CTNNA3: variants seen among roughly 807,000 people sequenced by gnomAD.
CTNNA3 encodes catenin alpha-3.
CTNNA3 carries 76 observed loss-of-function variants against 95.7 expected under a neutral mutation model. The observed-to-expected ratio is 0.79, with a 90% CI of 0.66 to 0.96. CTNNA3 has a LOEUF of 0.96. CTNNA3 is among the 40% of genes least tolerant of loss of function. The pLI is 0.00. For synonymous variants in CTNNA3, 431 were observed against 374.4 expected, an observed-to-expected ratio of 1.15 and a Z score of -1.74; for missense variants, 1,191 against 1,089.8, an observed-to-expected ratio of 1.09 and a Z score of -1.31.
chr10:67,532,368 C>A (rs1589396366), intron 4 of CTNNA3, among the ~76,000 whole-genome samples: 1 of 152,284 alleles, frequency 6.6e-6, no homozygotes, highest in South Asian at 2.1e-4. Flanking sequence ...AGAGTCTCAG[C>A]TGCCAACATG....
intron 7 of CTNNA3, among the ~76,000 whole-genome samples, chr10:66,947,776 A>G (rs1422647036): frequency 1.3e-5 from 2 of 152,274 alleles, no homozygotes; most frequent in South Asian, 4.1e-4. Flanking sequence ...TAAAGAAAAA[A>G]TTTTAATCAC....
intron 3 of CTNNA3, among the ~76,000 whole-genome samples, chr10:67,556,848 G>A (rs1362249568): frequency 6.6e-6 from 1 of 152,040 alleles, no homozygotes; most frequent in Non-Finnish European, 1.5e-5. Context: ...TGTGATGTTA[G>A]GGTGTCAATT....
rs557944324 is a variant in CTNNA3 at position 67,579,750 on chromosome 10, C to G, written c.292+27107G>C. Among the ~76,000 whole-genome samples the G allele has an allele frequency of 8.5e-5, 13 of 152,278 alleles. No homozygotes were observed. In the East Asian group the frequency reaches 1.9e-3, roughly 23 times the overall value. ...GACTTTTTAATGATCACCATTCTAA[C>G]TGGTGTGAGATGGTATCTCATTGTG... On this transcript the variant is annotated intron_variant, in intron 3 of 17. Transcript: ENST00000433211.
At chr10:67,480,611 G>C (rs547300924) in intron 5 of CTNNA3, among the ~76,000 whole-genome samples, 1 of 152,342 alleles carries the variant, frequency 6.6e-6, no homozygotes, top group Admixed American at 6.5e-5. Flanking sequence ...TGTTCCTGCT[G>C]CAGATAACAA....
intron 10 of CTNNA3, among the ~76,000 whole-genome samples, chr10:66,590,551 G>A (rs1843514262): frequency 6.6e-6 from 1 of 151,956 alleles, no homozygotes; most frequent in African/African-American, 2.4e-5. Context: ...AGTGAATTAG[G>A]AAAATATACA....
At chr10:66,121,299 G>A (rs548250802) in intron 13 of CTNNA3, among the ~76,000 whole-genome samples, 1 of 152,270 alleles carries the variant, frequency 6.6e-6, no homozygotes, top group East Asian at 1.9e-4. Context: ...ATCACTAAAT[G>A]TTATTGCTTA....
At chr10:66,228,168 GT>G (rs1377664879) in intron 13 of CTNNA3, among the ~76,000 whole-genome samples, 1 of 151,644 alleles carries the variant, frequency 6.6e-6, no homozygotes, top group Non-Finnish European at 1.5e-5. Flanking sequence ...TGCCTGTTTT[GT>G]TTATTTTTGC....
intron 14 of CTNNA3, among the ~76,000 whole-genome samples, chr10:66,095,868 G>C (rs930299169): frequency 5.3e-5 from 8 of 152,030 alleles, no homozygotes; most frequent in African/African-American, 1.9e-4. Context: ...AATGGCCCCA[G>C]AGATTTTCTC....
intron 7 of CTNNA3, among the ~76,000 whole-genome samples, chr10:66,789,957 G>T (rs749269679): frequency 6.6e-6 from 1 of 152,132 alleles, no homozygotes; most frequent in Non-Finnish European, 1.5e-5. Context: ...CAGTACTCTC[G>T]CTGAGCAATT....
chr10:67,274,372 GAC>G (rs1839100708), intron 5 of CTNNA3, among the ~76,000 whole-genome samples: 2 of 152,114 alleles, frequency 1.3e-5, no homozygotes, highest in African/African-American at 4.8e-5. Flanking sequence ...ATTGGATAAA[GAC>G]AATAGGAATA....
intron 10 of CTNNA3, among the ~76,000 whole-genome samples, chr10:66,604,439 C>A (rs1385859757): frequency 6.6e-6 from 1 of 152,078 alleles, no homozygotes; most frequent in South Asian, 2.1e-4. Flanking sequence ...CTGCTGCAGC[C>A]GATGAGCGTG....
intron 12 of CTNNA3, among the ~76,000 whole-genome samples, chr10:66,375,488 C>T (rs2092789724): frequency 6.6e-6 from 1 of 151,854 alleles, no homozygotes; most frequent in Admixed American, 6.6e-5. Flanking sequence ...ATGTAGACTA[C>T]TAATTTTCAA....
At chr10:67,639,493 C>G (rs1167971540) in intron 2 of CTNNA3, among the ~76,000 whole-genome samples, 1 of 152,144 alleles carries the variant, frequency 6.6e-6, no homozygotes, top group Non-Finnish European at 1.5e-5. Flanking sequence ...GGAATCCTCC[C>G]TAACTCATTT....
At chr10:67,388,924 A>T (rs1199312146) in intron 5 of CTNNA3, among the ~76,000 whole-genome samples, 4 of 152,216 alleles carry the variant, frequency 2.6e-5, no homozygotes, top group Non-Finnish European at 4.4e-5. Context: ...TAAACATGGA[A>T]AGGAACAACC....
At chr10:67,228,962 A>C (rs1487843532) in intron 5 of CTNNA3, among the ~76,000 whole-genome samples, 1 of 152,190 alleles carries the variant, frequency 6.6e-6, no homozygotes, top group Non-Finnish European at 1.5e-5. Flanking sequence ...TCCCTAATTC[A>C]CTCTATGAAG....
intron 8 of CTNNA3, 93 bp downstream of exon 8, chr10:66,775,350 GA>G: frequency 2.5e-6 from 2 of 807,616 alleles, no homozygotes; most frequent in Non-Finnish European, 4.0e-6. Context: ...AAATTAATTT[GA>G]AAGGAACAAA....
At chr10:66,861,295 C>T (rs1843912492) in intron 7 of CTNNA3, among the ~76,000 whole-genome samples, 1 of 152,186 alleles carries the variant, frequency 6.6e-6, no homozygotes, top group African/African-American at 2.4e-5. Flanking sequence ...CCCACTGGGG[C>T]CACTGTCTGT....
At chr10:67,683,914 G>A (rs902698140) in intron 1 of CTNNA3, among the ~76,000 whole-genome samples, 4 of 151,358 alleles carry the variant, frequency 2.6e-5, no homozygotes, top group East Asian at 1.9e-4. Flanking sequence ...TCTCGCTCAC[G>A]TCAGGAATGA....
chr10:66,429,557 A>T (rs1021649631), intron 11 of CTNNA3, among the ~76,000 whole-genome samples: 1 of 152,210 alleles, frequency 6.6e-6, no homozygotes, highest in African/African-American at 2.4e-5. Flanking sequence ...ATCCACCACG[A>T]TCAAGTTGGC....
Sources: allele counts gnomAD v4.1 joint callset (sites outside exome capture counted in the v4.1 genomes callset), GRCh38; gene constraint gnomAD v4.1.1; transcripts MANE v1.5; gene names NCBI Gene and HGNC (gene_info 2026-07-23, HGNC 2026-07-21).